Variants in AGBL3 observed in about 807,000 individuals in gnomAD.
The protein encoded by AGBL3 is AGBL carboxypeptidase 3.
Under a neutral mutation model 94.5 loss-of-function variants are expected in AGBL3, and 68 were observed. The observed-to-expected ratio is 0.72, with a 90% CI of 0.59 to 0.88. The LOEUF (loss-of-function observed/expected upper bound fraction) is 0.88, where lower values mean the gene tolerates loss of function less well. AGBL3 is among the 40% of genes least tolerant of loss of function. The pLI is 0.00. For synonymous variants in AGBL3, 354 were observed against 370.7 expected (o/e 0.95, Z 0.52); for missense variants, 934 against 1,103.8 (o/e 0.85, Z 2.18).
chr7:135,042,866 C>T (rs1471254363), intron 8 of AGBL3, among the ~76,000 whole-genome samples: 3 of 151,998 alleles, frequency 2.0e-5, no homozygotes, highest in African/African-American at 7.2e-5. Flanking sequence ...GAGCTATGAT[C>T]GCACCACTGC....
At chr7:135,039,201 T>C (rs949115971) in intron 8 of AGBL3, among the ~76,000 whole-genome samples, 10 of 152,040 alleles carry the variant, frequency 6.6e-5, no homozygotes, top group African/African-American at 2.4e-4. Flanking sequence ...ATAATTAATA[T>C]CACACAAGTA....
At chr7:135,022,907 T>C (rs1345492767) in intron 5 of AGBL3, among the ~76,000 whole-genome samples, 1 of 152,184 alleles carries the variant, frequency 6.6e-6, no homozygotes, top group African/African-American at 2.4e-5. Context: ...CCATCTGTTA[T>C]TTCTTTTTAA....
At chr7:135,131,652 A>C (rs1828797579) in intron 16 of AGBL3, among the ~76,000 whole-genome samples, 1 of 152,026 alleles carries the variant, frequency 6.6e-6, no homozygotes, top group South Asian at 2.1e-4. Context: ...GACCTATAAA[A>C]AGAAAAGCAA....
intron 11 of AGBL3, among the ~76,000 whole-genome samples, chr7:135,054,774 A>C (rs60344084): frequency 0.021 from 3,138 of 152,280 alleles, 118 homozygotes; most frequent in African/African-American, 0.071. Context: ...TTATTTCCAA[A>C]ATACAACCCA....
intron 7 of AGBL3, among the ~76,000 whole-genome samples, chr7:135,035,999 T>G (rs185128741): frequency 4.2e-4 from 64 of 152,170 alleles, no homozygotes; most frequent in African/African-American, 1.4e-3. Flanking sequence ...CATAATAAAT[T>G]TTAGTTTGTA....
At chr7:135,069,940 GT>G (rs1819721373) in intron 12 of AGBL3, among the ~76,000 whole-genome samples, 2 of 152,236 alleles carry the variant, frequency 1.3e-5, no homozygotes, top group South Asian at 2.1e-4. Context: ...CCAGGAGCTG[GT>G]TTTTTGAAAA....
chr7:135,107,046 A>G (rs1171789101), intron 15 of AGBL3, among the ~76,000 whole-genome samples: 1 of 152,094 alleles, frequency 6.6e-6, no homozygotes, highest in East Asian at 1.9e-4. Context: ...CTGTGGGGTT[A>G]GTGGTAACAT....
intron 4 of AGBL3, among the ~76,000 whole-genome samples, chr7:135,002,044 T>C (rs868861574): frequency 2.0e-5 from 3 of 152,156 alleles, no homozygotes; most frequent in Non-Finnish European, 4.4e-5. Context: ...ACTCCTACCC[T>C]CTTACCCTTC....
chr7:135,086,342 C>A (rs780470320), intron 15 of AGBL3, among the ~76,000 whole-genome samples: 5 of 151,930 alleles, frequency 3.3e-5, no homozygotes, highest in Admixed American at 2.6e-4. Context: ...TTTGCTTTGG[C>A]CAGAACTTTC....
chr7:135,009,732 G>T (rs568511679), intron 4 of AGBL3, among the ~76,000 whole-genome samples: 1 of 152,148 alleles, frequency 6.6e-6, no homozygotes, highest in East Asian at 1.9e-4. Context: ...TCTGAAAGTG[G>T]GTACTAACCC....
At chr7:135,103,785 A>G (rs1345503499) in intron 15 of AGBL3, among the ~76,000 whole-genome samples, 1 of 152,312 alleles carries the variant, frequency 6.6e-6, no homozygotes, top group East Asian at 1.9e-4. Context: ...TAAGGAATAT[A>G]GGTTACATTT....
intron 5 of AGBL3, among the ~76,000 whole-genome samples, chr7:135,019,523 A>AT (rs1366579863): frequency 1.3e-5 from 2 of 151,888 alleles, no homozygotes; most frequent in Non-Finnish European, 2.9e-5. Context: ...ATGGTTTGTG[A>AT]TATGGGTCAA....
rs898054749 is a variant in AGBL3, at chr7:135,034,161, A to C, written c.570A>C (p.Glu190Asp). ...TCTTGTGTATTAGGGCAGAATACGAATACCAATTGACTGTACGCCCTGACC... is the reference window on the plus strand; with the variant it reads ...TCTTGTGTATTAGGGCAGAATACGACTACCAATTGACTGTACGCCCTGACC... The part of the protein sequence containing the change: ...LQKVVKVAEY[E>D]YQLTVRPDLF... Residue 190 changes from glutamate (E) to aspartate (D), a missense_variant, in exon 7 of 17, where the codon GAA (glutamate) becomes GAC (aspartate). Physicochemically the swap from Glu to Asp is conservative, Grantham distance 45. Around this residue, in one of 3 missense-constraint regions of AGBL3, gnomAD observed 488 missense variants for 563.6 expected, o/e 0.87. Coordinates refer to ENST00000436302, the MANE Select transcript of AGBL3 (RefSeq NM_178563.4). 5 of 1,540,638 alleles carry C rather than the reference A, an allele frequency of 3.2e-6. No homozygotes were observed. The highest frequency in any genetic ancestry group is 1.2e-5 in the South Asian group (1 of 81,920).
At chr7:135,050,522 T>C (rs1817775476) in intron 11 of AGBL3, among the ~76,000 whole-genome samples, 1 of 148,664 alleles carries the variant, frequency 6.7e-6, no homozygotes, top group Non-Finnish European at 1.5e-5. Flanking sequence ...TCTCTTCGGT[T>C]CTATCAATGT....
At chr7:135,072,796 G>A (rs1820058510) in intron 12 of AGBL3, among the ~76,000 whole-genome samples, 1 of 151,512 alleles carries the variant, frequency 6.6e-6, no homozygotes, top group African/African-American at 2.4e-5. Flanking sequence ...ATAGCATTAG[G>A]AGATATACCT....
At chr7:135,061,323 C>T (rs1010037558) in intron 12 of AGBL3, among the ~76,000 whole-genome samples, 1 of 151,940 alleles carries the variant, frequency 6.6e-6, no homozygotes, top group Admixed American at 6.6e-5. Context: ...TATTTTCTCC[C>T]ATCCCATTAG....
At chr7:134,986,767 C>CCCACA (rs1248368693) in intron 1 of AGBL3, 66 bp downstream of exon 1, 1 of 152,384 alleles carries the variant, frequency 6.6e-6, no homozygotes, top group East Asian at 1.9e-4. Context: ...TGAGCGCCTC[C>CCCACA]CCACACCAAG....
intron 15 of AGBL3, among the ~76,000 whole-genome samples, chr7:135,098,049 C>T (rs1215933886): frequency 1.3e-5 from 2 of 151,872 alleles, no homozygotes; most frequent in South Asian, 2.1e-4. Context: ...ATATGGAGAC[C>T]CTACATGATG....
At chr7:135,022,508 GTTTTT>G (rs145518609) in intron 5 of AGBL3, among the ~76,000 whole-genome samples, 2 of 147,952 alleles carry the variant, frequency 1.4e-5, no homozygotes, top group Admixed American at 1.3e-4. Context: ...TTTTGGATGG[GTTTTT>G]TTTTTCTCAT....
Sources: gnomAD v4.1 joint callset for allele counts (sites outside exome capture counted in the v4.1 genomes callset) on GRCh38, gnomAD v4.1.1 for gene constraint, gnomAD v4.1.1 regional missense constraint, MANE v1.5 for transcripts, NCBI Gene and HGNC (gene_info 2026-07-23, HGNC 2026-07-21) for gene names.